Variants in OTOGL observed in about 807,000 individuals in gnomAD.
The protein encoded by OTOGL is otogelin like, also known as otogelin-like protein.
OTOGL carries 285 observed loss-of-function variants against 318.5 expected under a neutral mutation model. The ratio of observed to expected loss-of-function variants is 0.89; its 90% confidence interval spans 0.81 to 0.99. The LOEUF (loss-of-function observed/expected upper bound fraction) is 0.99, where lower values mean the gene tolerates loss of function less well. Ranked by LOEUF, OTOGL falls within the 50% of genes least tolerant of loss-of-function variation. The pLI is 0.00. For missense variants in OTOGL, 2,899 were observed against 2,845.6 expected (o/e 1.02, Z -0.43); for synonymous variants, 987 against 936.5 (o/e 1.05, Z -0.99).
chr12:80,363,681 G>A (rs948320515), intron 52 of OTOGL, among the ~76,000 whole-genome samples: 8 of 152,062 alleles, frequency 5.3e-5, no homozygotes, highest in Admixed American at 1.3e-4. Context: ...AGAGGTCCTG[G>A]TATTTGACTT....
chr12:80,211,007 G>A, intron 3 of OTOGL, 121 bp downstream of exon 3: 3 of 575,428 alleles, frequency 5.2e-6, no homozygotes, highest in South Asian at 5.7e-5. Flanking sequence ...AAAAAAGCAT[G>A]AAATATACTT....
chr12:80,140,421 G>A (rs1402453707), intron 1 of OTOGL, among the ~76,000 whole-genome samples: 2 of 152,092 alleles, frequency 1.3e-5, no homozygotes, highest in Admixed American at 6.6e-5. Context: ...AGCTTTGTCA[G>A]GTGACATAAG....
chr12:80,223,653 G>A (rs937735178), intron 7 of OTOGL, among the ~76,000 whole-genome samples: 7 of 151,940 alleles, frequency 4.6e-5, no homozygotes, highest in African/African-American at 7.3e-5. Context: ...TTGTATTGTG[G>A]TTTTCATTTG....
At chr12:80,113,378 T>C (rs1050182169) in intron 1 of OTOGL, among the ~76,000 whole-genome samples, 1 of 152,224 alleles carries the variant, frequency 6.6e-6, no homozygotes, top group East Asian at 1.9e-4. Context: ...TGCTTTCTCC[T>C]GTGGGCATTT....
rs1455918159 is a variant in OTOGL at position 80,313,001 on chromosome 12, A to T, written c.3451-475A>T. 2.0e-5 allele frequency among the ~76,000 whole-genome samples: 3 copies of T among 152,264 alleles called. No individual in the cohort carries two copies. In the East Asian group the frequency reaches 5.8e-4, roughly 29 times the overall value. On this transcript the variant is annotated intron_variant, in intron 30 of 58. Transcript: ENST00000547103. ...AAATTTTGTCAGCTACTTAAATGTA[A>T]TGCAAATAAATAAATTAAGTAAATA...
intron 7 of OTOGL, among the ~76,000 whole-genome samples, chr12:80,222,767 T>C (rs1194726656): frequency 6.6e-6 from 1 of 152,196 alleles, no homozygotes; most frequent in African/African-American, 2.4e-5. Flanking sequence ...TGCTATGTTG[T>C]TGGATTTAAA....
At chr12:80,302,832 T>C in intron 28 of OTOGL, 49 bp downstream of exon 28, 1 of 1,353,048 alleles carries the variant, frequency 7.4e-7, no homozygotes, top group South Asian at 1.8e-5. Flanking sequence ...AAATCACATT[T>C]AGTTTTTGAT....
intron 1 of OTOGL, among the ~76,000 whole-genome samples, chr12:80,159,306 T>C (rs1873339596): frequency 6.6e-6 from 1 of 152,086 alleles, no homozygotes; most frequent in Non-Finnish European, 1.5e-5. Flanking sequence ...TTTTTTGTTA[T>C]GTCCTTTGCT....
chr12:80,356,961 GA>G (rs5799468), intron 49 of OTOGL, 47 bp downstream of exon 49: 3 of 1,143,410 alleles, frequency 2.6e-6, no homozygotes, highest in Admixed American at 5.9e-5. Flanking sequence ...AAGGATCTAG[GA>G]AAAAAATCTC....
intron 53 of OTOGL, among the ~76,000 whole-genome samples, chr12:80,366,972 T>G (rs779632514): frequency 2.6e-5 from 4 of 151,784 alleles, no homozygotes; most frequent in Non-Finnish European, 5.9e-5. Flanking sequence ...TATATTAGTA[T>G]TATTATTATT....
In OTOGL at chr12:80,339,251, AG is replaced by A; in HGVS notation, c.5038del (p.Glu1680LysfsTer15). On this transcript the variant is annotated frameshift_variant, in exon 43 of 59. Transcript: ENST00000547103. LOFTEE classifies it high-confidence loss of function. ...TCCGATTTAACTTGTCATCCTACAC[AG>A]AAGGACTCTGTGGTGAGCGCTGCCC... ...GFRFNLSSYT[E>X]GLCGICNEDP... The A allele has an allele frequency of 5.6e-6, 9 of 1,605,884 alleles. No individual in the cohort carries two copies. The highest frequency in any genetic ancestry group is 7.7e-6 in the Non-Finnish European group (9 of 1,175,338).
intron 1 of OTOGL, among the ~76,000 whole-genome samples, chr12:80,128,032 T>C (rs1187759775): frequency 6.6e-6 from 1 of 152,234 alleles, no homozygotes; most frequent in Non-Finnish European, 1.5e-5. Flanking sequence ...AGCCTTCTTC[T>C]ATCAACTTGT....
intron 1 of OTOGL, among the ~76,000 whole-genome samples, chr12:80,135,021 G>A (rs1419115879): frequency 1.3e-5 from 2 of 152,084 alleles, no homozygotes; most frequent in African/African-American, 4.8e-5. Flanking sequence ...CTCCCATGAA[G>A]ACATCACTTC....
chr12:80,328,185 GAC>G (rs1887822391), intron 35 of OTOGL, among the ~76,000 whole-genome samples: 2 of 151,838 alleles, frequency 1.3e-5, no homozygotes, highest in South Asian at 4.2e-4. Context: ...CAGGCATGAT[GAC>G]ACATGCCTGT....
At chr12:80,318,318 G>T (rs1346633931) in intron 32 of OTOGL, among the ~76,000 whole-genome samples, 1 of 152,006 alleles carries the variant, frequency 6.6e-6, no homozygotes, top group African/African-American at 2.4e-5. Flanking sequence ...TGAAACAACT[G>T]ATCACGTGTA....
At position 80,297,109 on chromosome 12, in the gene OTOGL, G is replaced by A. The variant is rs976562047; in HGVS notation, c.3063+148G>A. On this transcript the variant is annotated intron_variant, in intron 27 of 58. Coordinates refer to ENST00000547103, the MANE Select transcript of OTOGL (RefSeq NM_001378609.3). The stretch of plus-strand genomic sequence containing the variant: ...TCATTTTGCGTGGCTTCAGTACATT[G>A]TGCTTGACTTCTCTCTTCTTACTTC... The A allele has an allele frequency of 5.5e-5, 37 of 674,256 alleles. No homozygotes were observed. In the African/African-American group the frequency reaches 6.4e-4, roughly 12 times the overall value. The allele number at this position is 674,256 out of a possible 1,614,324, so 41.8% of individuals were successfully genotyped here.
At chr12:80,357,924 C>T (rs1179960681) in intron 49 of OTOGL, among the ~76,000 whole-genome samples, 1 of 151,954 alleles carries the variant, frequency 6.6e-6, no homozygotes, top group African/African-American at 2.4e-5. Flanking sequence ...TGAGAGTAAT[C>T]AATGATAGTG....
intron 1 of OTOGL, among the ~76,000 whole-genome samples, chr12:80,105,045 G>C (rs983599127): frequency 1.3e-5 from 2 of 152,008 alleles, no homozygotes; most frequent in African/African-American, 4.8e-5. Flanking sequence ...GCAGTGAGCC[G>C]AGATTGCACC....
At chr12:80,331,464 C>A (rs1888063707) in intron 37 of OTOGL, among the ~76,000 whole-genome samples, 1 of 151,310 alleles carries the variant, frequency 6.6e-6, no homozygotes, top group African/African-American at 2.4e-5. Flanking sequence ...CCTCATCCTC[C>A]CAAGTAGCTG....
Sources: allele counts gnomAD v4.1 joint callset (sites outside exome capture counted in the v4.1 genomes callset), GRCh38; gene constraint gnomAD v4.1.1; transcripts MANE v1.5; gene names NCBI Gene and HGNC (gene_info 2026-07-23, HGNC 2026-07-21).